The following NOCT variants were observed in gnomAD, a reference collection of about 807,000 sequenced individuals.
NOCT encodes the protein nocturnin, also known as CCR4 carbon catabolite repression 4-like.
Under a neutral mutation model 35.0 loss-of-function variants are expected in NOCT, and 18 were observed. The observed-to-expected ratio is 0.51, with a 90% CI of 0.36 to 0.76. The LOEUF is 0.76. Ranked by LOEUF, NOCT falls within the 30% of genes least tolerant of loss-of-function variation. The pLI is 0.01. For synonymous variants in NOCT, 235 were observed against 226.3 expected (o/e 1.04, Z -0.34); for missense variants, 479 against 541.0 (o/e 0.89, Z 1.14).
At chr4:139,034,445 C>A (rs1248646765) in intron 1 of NOCT, among the ~76,000 whole-genome samples, 1 of 152,108 alleles carries the variant, frequency 6.6e-6, no homozygotes, top group African/African-American at 2.4e-5. Flanking sequence ...AGACTTACTA[C>A]ATTATAGTCC....
intron 2 of NOCT, 165 bp downstream of exon 2, chr4:139,043,508 A>C: frequency 1.7e-6 from 1 of 589,132 alleles, no homozygotes; most frequent in Non-Finnish European, 2.9e-6. Flanking sequence ...ACAGGGAATC[A>C]TCTGGTTTTC....
chr4:139,028,027 A>G (rs1726556679), intron 1 of NOCT: 1 of 152,200 alleles, frequency 6.6e-6, no homozygotes, highest in South Asian at 2.1e-4. Context: ...TTATAGTTTC[A>G]TATTTCCACT....
At chr4:139,027,706 G>T (rs1726549099) in intron 1 of NOCT, among the ~76,000 whole-genome samples, 1 of 152,050 alleles carries the variant, frequency 6.6e-6, no homozygotes, top group Non-Finnish European at 1.5e-5. Flanking sequence ...CACTGTGTTA[G>T]CCAGGATGAT....
intron 1 of NOCT, among the ~76,000 whole-genome samples, chr4:139,026,060 T>G (rs780164154): frequency 3.9e-5 from 6 of 152,202 alleles, no homozygotes; most frequent in Admixed American, 3.9e-4. Flanking sequence ...ACAAATAGAC[T>G]AGTGGTGAGC....
intron 1 of NOCT, among the ~76,000 whole-genome samples, chr4:139,020,536 G>A (rs1337281403): frequency 6.6e-6 from 1 of 152,190 alleles, no homozygotes; most frequent in Admixed American, 6.5e-5. Flanking sequence ...TTAGGAAAAG[G>A]GGTAGAGGCA....
intron 1 of NOCT, among the ~76,000 whole-genome samples, chr4:139,036,968 G>A (rs1405240793): frequency 1.3e-5 from 2 of 152,170 alleles, no homozygotes; most frequent in East Asian, 1.9e-4. Context: ...TAGAACGAGG[G>A]TGGATAAGTG....
rs747148193 is a variant in NOCT at position 139,043,216 on chromosome 4, T to A, written c.333T>A (p.Leu111=). The change falls in exon 2 of 3, where the codon CTT becomes CTA. Residue 111 remains leucine (L), a synonymous_variant. Coordinates refer to ENST00000280614, the MANE Select transcript of NOCT (RefSeq NM_012118.4). ...AGCCCATTGATCCTAAAGAGCTTCT[T>A]GAGGAATGCAGGGCCGTCCTGCACA... is the stretch of plus-strand genomic sequence containing the variant. The part of the protein sequence containing the change: ...HLEPIDPKEL[L]EECRAVLHTR... 2.5e-6 allele frequency: 4 copies of A among 1,614,056 alleles called. No individual in the cohort carries two copies. The highest frequency in any genetic ancestry group is 4.5e-5 in the East Asian group (2 of 44,882).
At chr4:139,030,170 C>T (rs540903011) in intron 1 of NOCT, among the ~76,000 whole-genome samples, 6 of 152,308 alleles carry the variant, frequency 3.9e-5, no homozygotes, top group South Asian at 2.1e-4. Context: ...TGAGCCACCG[C>T]GCCTGGCCTA....
chr4:139,034,394 CTCAGTCT>C (rs1047233455), intron 1 of NOCT, among the ~76,000 whole-genome samples: 2 of 152,160 alleles, frequency 1.3e-5, no homozygotes, highest in African/African-American at 4.8e-5. Flanking sequence ...AAAGGTGCCC[CTCAGTCT>C]TCAGTCTTCT....
chr4:139,017,406 T>G (rs956079072), intron 1 of NOCT, among the ~76,000 whole-genome samples: 2 of 151,550 alleles, frequency 1.3e-5, no homozygotes, highest in Non-Finnish European at 2.9e-5. Flanking sequence ...TTTTGTATTT[T>G]TAGTAGAGAT....
intron 1 of NOCT, among the ~76,000 whole-genome samples, chr4:139,020,507 A>G (rs762803889): frequency 6.6e-6 from 1 of 152,216 alleles, no homozygotes; most frequent in Non-Finnish European, 1.5e-5. Context: ...GCTCGCATGC[A>G]GGAGCTGTGG....
rs539074843 is a variant in NOCT, at chr4:139,019,339, C to T, written c.190+3168C>T. Among the ~76,000 whole-genome samples, 44 of 152,322 alleles carry T rather than the reference C, an allele frequency of 2.9e-4. No homozygotes were observed. In the South Asian group the frequency reaches 8.9e-3, roughly 31 times the overall value. On this transcript the variant is annotated intron_variant, in intron 1 of 2. Transcript: ENST00000280614. ...AAAGTGCTGGGATTACAGGTGTGAG[C>T]CACTGCGCCCAGCCTATGAAGTGCT...
At chr4:139,027,885 C>T (rs1439415117) in intron 1 of NOCT, among the ~76,000 whole-genome samples, 1 of 152,114 alleles carries the variant, frequency 6.6e-6, no homozygotes, top group Non-Finnish European at 1.5e-5. Flanking sequence ...CTCCCCCTAC[C>T]ATTTAAAAAT....
Position 139,027,000 on chromosome 4 carries a change from C to T in NOCT, c.190+10829C>T, listed in dbSNP as rs1222074562. ...ACGCCATTCTCCTGCCTCAGCCTCC[C>T]GAGTAGCTGGGACTACAGGCGCCCG... On this transcript the variant is annotated intron_variant, in intron 1 of 2. Coordinates refer to ENST00000280614, the MANE Select transcript of NOCT (RefSeq NM_012118.4). Among the ~76,000 whole-genome samples the T allele has an allele frequency of 3.4e-4, 3 of 8,816 alleles. 1 individual carries two copies. Among genetic ancestry groups the T allele is most frequent in the South Asian group, 0.025 (1 of 40 alleles). 5.8% of individuals were successfully genotyped at this position (8,816 alleles called of 152,430 possible). A position where few individuals can be genotyped will look rare whatever the true frequency, so the allele number is the denominator to read the frequency against.
intron 1 of NOCT, among the ~76,000 whole-genome samples, chr4:139,032,351 TGTGTTGCATTGAGA>T (rs1726641791): frequency 6.6e-6 from 1 of 152,176 alleles, no homozygotes; most frequent in Non-Finnish European, 1.5e-5. Flanking sequence ...CTGTAACTTG[TGTGTTGCATTGAGA>T]GTTATGGCTG....
Position 139,033,720 on chromosome 4 carries a change from G to A in NOCT, c.191-9354G>A, listed in dbSNP as rs555953512. 5.3e-5 allele frequency among the ~76,000 whole-genome samples: 8 copies of A among 151,614 alleles called. No individual in the cohort carries two copies. In the East Asian group the frequency reaches 1.4e-3, roughly 26 times the overall value. ...GAATGTAAAGTTGTTTTTTAAAGTA[G>A]GTGAGAAACAATGAGACTTGTTAAC... is the stretch of plus-strand genomic sequence containing the variant. On this transcript the variant is annotated intron_variant, in intron 1 of 2. Coordinates refer to ENST00000280614, the MANE Select transcript of NOCT (RefSeq NM_012118.4).
At position 139,030,651 on chromosome 4, in the gene NOCT, A is replaced by G. The variant is rs79916050; in HGVS notation, c.191-12423A>G. On this transcript the variant is annotated intron_variant, in intron 1 of 2. Transcript: ENST00000280614. ...CCTTCAATATATATTAAATAAATAT[A>G]TTGTATATCCAACATCCAGGCTGCT... Among the ~76,000 whole-genome samples, 876 of 152,318 alleles carry G rather than the reference A, an allele frequency of 5.8e-3. 11 individuals are homozygous for G. The highest frequency in any genetic ancestry group is 0.02 in the African/African-American group (842 of 41,564).
Position 139,016,076 on chromosome 4 carries a change from T to G in NOCT, c.95T>G (p.Leu32Trp), listed in dbSNP as rs1197587669. Residue 32 changes from leucine (L) to tryptophan (W), a missense_variant, in exon 1 of 3, where the codon TTG becomes TGG. Around this residue, in one of 2 missense-constraint regions of NOCT, gnomAD observed 265 missense variants for 257.0 expected, o/e 1.03. Transcript: ENST00000280614. Reference sequence around the variant, plus strand: ...CCCGCCCCAGGGCTGCGCCGCCCGTTGTCCCCGCCGGCTGCTGTTCCCAGG... The same window carrying G: ...CCCGCCCCAGGGCTGCGCCGCCCGTGGTCCCCGCCGGCTGCTGTTCCCAGG... ...RLPAPGLRRP[L>W]SPPAAVPRPA... 13 of 1,390,068 alleles carry G rather than the reference T, an allele frequency of 9.4e-6. No individual in the cohort carries two copies. In the African/African-American group the frequency reaches 1.9e-4, roughly 21 times the overall value. The allele number at this position is 1,390,068 out of a possible 1,614,324, so 86.1% of individuals were successfully genotyped here.
intron 1 of NOCT, among the ~76,000 whole-genome samples, chr4:139,034,442 C>A (rs116510191): frequency 6.6e-6 from 1 of 152,110 alleles, no homozygotes; most frequent in Non-Finnish European, 1.5e-5. Flanking sequence ...AATAGACTTA[C>A]TACATTATAG....
Sources: allele counts gnomAD v4.1 joint callset (sites outside exome capture counted in the v4.1 genomes callset), GRCh38; gene constraint gnomAD v4.1.1; regional missense constraint gnomAD v4.1.1; transcripts MANE v1.5; gene names NCBI Gene and HGNC (gene_info 2026-07-23, HGNC 2026-07-21).